Variants in EPM2A observed in about 807,000 individuals in gnomAD.
EPM2A encodes EPM2A glucan phosphatase, laforin, also known as laforin.
EPM2A carries 21 observed loss-of-function variants against 26.5 expected under a neutral mutation model. That is an observed-to-expected ratio of 0.79 (90% confidence interval 0.56 to 1.14). The LOEUF (loss-of-function observed/expected upper bound fraction) is 1.14, where lower values mean the gene tolerates loss of function less well. Ranked by LOEUF, EPM2A falls within the 50% of genes most tolerant of loss-of-function variation. The pLI is 0.00. For missense variants in EPM2A, 458 were observed against 440.8 expected (o/e 1.04, Z -0.35); for synonymous variants, 217 against 177.6 (o/e 1.22, Z -1.76).
intron 4 of EPM2A, among the ~76,000 whole-genome samples, chr6:145,479,204 GC>G (rs1779582033): frequency 6.7e-6 from 1 of 148,184 alleles, no homozygotes; most frequent in Non-Finnish European, 1.5e-5. Context: ...ATCCATTTTT[GC>G]CAAATTTTTT....
At chr6:145,491,706 C>T in intron 4 of EPM2A, 1 of 474,620 alleles carries the variant, frequency 2.1e-6, no homozygotes, top group Admixed American at 2.4e-5. Context: ...GGGACCTGTC[C>T]TCCTTTGCCC....
At chr6:145,441,828 T>A (rs907468052) in intron 4 of EPM2A, among the ~76,000 whole-genome samples, 3 of 152,116 alleles carry the variant, frequency 2.0e-5, no homozygotes, top group African/African-American at 7.2e-5. Context: ...CACCACTGCA[T>A]TCCAGCCTGG....
At chr6:145,735,088 G>A in intron 1 of EPM2A, 110 bp downstream of exon 1, 1 of 705,118 alleles carries the variant, frequency 1.4e-6, no homozygotes, top group East Asian at 3.8e-5. Context: ...CAAAAAGCCC[G>A]GGACGCGCGC....
intron 2 of EPM2A, among the ~76,000 whole-genome samples, chr6:145,533,085 G>A (rs1273267039): frequency 6.6e-6 from 1 of 152,006 alleles, no homozygotes; most frequent in African/African-American, 2.4e-5. Context: ...CACAATTAAC[G>A]ATTTTTGCAA....
In EPM2A at chr6:145,650,321, T is replaced by C. The variant is rs149652009; in HGVS notation, c.477-14835A>G. Among the ~76,000 whole-genome samples the C allele has an allele frequency of 4.3e-3, 660 of 152,140 alleles. 5 individuals carry two copies. Among genetic ancestry groups the C allele is most frequent in the African/African-American group, 0.014 (571 of 41,524 alleles). Reference sequence around the variant, plus strand: ...ATCCCAGCACTTTGGGAGGCCGAGGTAGGCAGATCACCTGAGGTCAGGAGT... The same window carrying C: ...ATCCCAGCACTTTGGGAGGCCGAGGCAGGCAGATCACCTGAGGTCAGGAGT... On this transcript the variant is annotated intron_variant, in intron 2 of 3. Transcript: ENST00000367519.
At chr6:145,525,965 C>A (rs1001458104) in intron 2 of EPM2A, among the ~76,000 whole-genome samples, 4 of 151,896 alleles carry the variant, frequency 2.6e-5, no homozygotes, top group Non-Finnish European at 4.4e-5. Flanking sequence ...AGTTATGTTC[C>A]TTTGATGTTT....
At chr6:145,532,141 G>A (rs1198072635) in intron 2 of EPM2A, among the ~76,000 whole-genome samples, 1 of 152,182 alleles carries the variant, frequency 6.6e-6, no homozygotes, top group African/African-American at 2.4e-5. Context: ...CCCGGAATAA[G>A]AACAATGACT....
intron 2 of EPM2A, among the ~76,000 whole-genome samples, chr6:145,518,595 CA>C (rs55802475): frequency 0.014 from 1,483 of 102,322 alleles, 16 homozygotes; most frequent in African/African-American, 0.05. Context: ...TGAAATGCAC[CA>C]AAAAAAAAAA....
intron 4 of EPM2A, among the ~76,000 whole-genome samples, chr6:145,494,382 T>G (rs147529223): frequency 2.6e-4 from 40 of 152,310 alleles, no homozygotes; most frequent in Middle Eastern, 3.4e-3. Context: ...CTTTTCTTCT[T>G]TATTTGTCTA....
chr6:145,453,866 TCTTAA>T (rs1340133286), intron 4 of EPM2A, among the ~76,000 whole-genome samples: 1 of 152,224 alleles, frequency 6.6e-6, no homozygotes, highest in Admixed American at 6.5e-5. Context: ...TATTGTGTTC[TCTTAA>T]CTTAAAAGTA....
intron 4 of EPM2A, chr6:145,463,102 C>T (rs1436342713): frequency 2.6e-5 from 4 of 152,172 alleles, no homozygotes; most frequent in Non-Finnish European, 5.9e-5. Flanking sequence ...GTGAATCTCA[C>T]TCCCCTCTTC....
At chr6:145,680,196 T>A (rs1780399029) in intron 2 of EPM2A, 1 of 152,024 alleles carries the variant, frequency 6.6e-6, no homozygotes, top group East Asian at 1.9e-4. Flanking sequence ...TTTCTTTTTC[T>A]CATAATAAAA....
At chr6:145,456,112 G>A (rs549065381) in intron 4 of EPM2A, among the ~76,000 whole-genome samples, 64 of 152,290 alleles carry the variant, frequency 4.2e-4, no homozygotes, top group Non-Finnish European at 7.9e-4. Flanking sequence ...GAAGGGGGAT[G>A]CATGGTGAGT....
At chr6:145,611,696 T>A (rs901709854) in intron 2 of EPM2A, among the ~76,000 whole-genome samples, 2 of 152,118 alleles carry the variant, frequency 1.3e-5, no homozygotes, top group Non-Finnish European at 2.9e-5. Context: ...TAAGTTTGCT[T>A]AATATTTTAG....
chr6:145,537,389 G>A (rs931214612), intron 2 of EPM2A, among the ~76,000 whole-genome samples: 1 of 152,028 alleles, frequency 6.6e-6, no homozygotes, highest in South Asian at 2.1e-4. Context: ...TCCTGACTAC[G>A]GTGATTAGAC....
At chr6:145,583,442 T>A (rs562515632) in intron 2 of EPM2A, among the ~76,000 whole-genome samples, 23 of 152,318 alleles carry the variant, frequency 1.5e-4, no homozygotes, top group African/African-American at 4.8e-4. Context: ...GGCTCAGCAC[T>A]CCTGTGCTGT....
At chr6:145,577,684 A>T (rs1330073336) in intron 2 of EPM2A, among the ~76,000 whole-genome samples, 1 of 152,062 alleles carries the variant, frequency 6.6e-6, no homozygotes, top group Non-Finnish European at 1.5e-5. Context: ...CTTCATCTGT[A>T]CTTAGGCCAA....
chr6:145,621,334 C>T (rs1486660184), downstream of EPM2A, among the ~76,000 whole-genome samples: 1 of 152,192 alleles, frequency 6.6e-6, no homozygotes, highest in Admixed American at 6.5e-5. Flanking sequence ...TGTCTTTATT[C>T]ATTCATCTGT....
At chr6:145,442,130 A>G (rs1243267930) in intron 4 of EPM2A, among the ~76,000 whole-genome samples, 1 of 152,138 alleles carries the variant, frequency 6.6e-6, no homozygotes, top group Non-Finnish European at 1.5e-5. Flanking sequence ...CATTGTCCGT[A>G]TCATTATCAG....
Sources: allele counts gnomAD v4.1 joint callset (sites outside exome capture counted in the v4.1 genomes callset), GRCh38; gene constraint gnomAD v4.1.1; transcripts MANE v1.5; gene names NCBI Gene and HGNC (gene_info 2026-07-23, HGNC 2026-07-21).